The following WASF2 variants were observed in gnomAD, a reference collection of about 807,000 sequenced individuals.
WASF2 encodes actin-binding protein WASF2.
In WASF2, 14 loss-of-function variants were observed where a neutral mutation model predicts 45.0. The observed-to-expected ratio is 0.31, with a 90% CI of 0.21 to 0.49. The LOEUF (loss-of-function observed/expected upper bound fraction) is 0.49. WASF2 is among the 20% of genes least tolerant of loss of function. WASF2 has a pLI of 0.99. For missense variants in WASF2, 439 were observed against 636.1 expected (o/e 0.69, Z 3.33); for synonymous variants, 200 against 236.3 (o/e 0.85, Z 1.41).
intron 1 of WASF2, among the ~76,000 whole-genome samples, chr1:27,437,781 CTAAT>C (rs1024059353): frequency 2.0e-5 from 3 of 152,080 alleles, no homozygotes; most frequent in African/African-American, 7.2e-5. Context: ...CCCTTTACTC[CTAAT>C]AAGGTATCAG....
chr1:27,462,976 T>C (rs1488848257), intron 1 of WASF2, among the ~76,000 whole-genome samples: 1 of 152,066 alleles, frequency 6.6e-6, no homozygotes, highest in African/African-American at 2.4e-5. Context: ...CGCGCCACCA[T>C]GCCTGGCTAA....
rs1245882051 is a variant in WASF2 at position 27,415,997 on chromosome 1, C to T, written c.525G>A (p.Lys175=). Residue 175 remains lysine (K), a synonymous_variant, in exon 5 of 9, where the codon AAG becomes AAA. Coordinates refer to ENST00000618852, the MANE Select transcript of WASF2 (RefSeq NM_006990.5). ...CCTTTCCCCTCACCCTATGCTTTCT[C>T]TTCTCTTTCATGATATCCTTGGTGT... ...LQDTKDIMKE[K]RKHRKEKKDN... 2 of 1,613,960 alleles carry T rather than the reference C, an allele frequency of 1.2e-6. No homozygotes were observed. Among genetic ancestry groups the T allele is most frequent in the Non-Finnish European group, 1.7e-6 (2 of 1,179,858 alleles).
chr1:27,476,949 C>T (rs781431345), intron 1 of WASF2, among the ~76,000 whole-genome samples: 21 of 152,114 alleles, frequency 1.4e-4, no homozygotes, highest in Non-Finnish European at 2.9e-5. Flanking sequence ...AATTATCAAA[C>T]GATGAGCTCT....
At chr1:27,429,776 CAAA>C (rs761977530) in intron 1 of WASF2, among the ~76,000 whole-genome samples, 3 of 87,656 alleles carry the variant, frequency 3.4e-5, no homozygotes, top group Non-Finnish European at 5.0e-5. Flanking sequence ...GACTCCGTCT[CAAA>C]AAAAAAAAAA....
At chr1:27,472,674 AGGG>A (rs745895106) in intron 1 of WASF2, among the ~76,000 whole-genome samples, 2 of 116,986 alleles carry the variant, frequency 1.7e-5, no homozygotes, top group Admixed American at 7.9e-5. Flanking sequence ...AAAAAAAAAA[AGGG>A]GAAATCAGGC....
intron 1 of WASF2, among the ~76,000 whole-genome samples, chr1:27,458,779 C>A (rs150163299): frequency 6.6e-6 from 1 of 150,592 alleles, no homozygotes; most frequent in African/African-American, 2.4e-5. Flanking sequence ...GGTGACAGAG[C>A]GAGATTCTGC....
chr1:27,444,237 G>C (rs2017284192), intron 1 of WASF2, among the ~76,000 whole-genome samples: 1 of 152,076 alleles, frequency 6.6e-6, no homozygotes, highest in Non-Finnish European at 1.5e-5. Context: ...GCAGCACCAT[G>C]CTCAGCTAAT....
intron 1 of WASF2, among the ~76,000 whole-genome samples, chr1:27,442,149 C>T (rs2017245903): frequency 6.6e-6 from 1 of 151,728 alleles, no homozygotes; most frequent in Non-Finnish European, 1.5e-5. Flanking sequence ...ATCAATATAA[C>T]CAGCCTGGGC....
intron 1 of WASF2, among the ~76,000 whole-genome samples, chr1:27,487,658 A>ATATATATTATATATTATATAT (rs2017961162): frequency 1.0e-5 from 1 of 96,580 alleles, no homozygotes; most frequent in African/African-American, 4.5e-5. Context: ...ATATTATATA[A>ATATATATTATATATTATATAT]TATATATTAT....
chr1:27,422,349 G>A (rs1183109760), intron 2 of WASF2, among the ~76,000 whole-genome samples: 1 of 152,172 alleles, frequency 6.6e-6, no homozygotes, highest in Non-Finnish European at 1.5e-5. Context: ...GCTGGGCGCA[G>A]TGGCTCATGC....
chr1:27,453,591 C>CA lies in WASF2; in HGVS notation c.-43-24659dup, dbSNP rs57897316. The stretch of plus-strand genomic sequence containing the variant: ...TGGGTGACAGAGCAAGACTCTGTCT[C>CA]AAAAAAAAAAAAAAAAAAGGGCCAA... On this transcript the variant is annotated intron_variant, in intron 1 of 8. Transcript: ENST00000618852. Among the ~76,000 whole-genome samples the CA allele has an allele frequency of 3.0e-3, 312 of 103,084 alleles. 1 individual carries two copies. The highest frequency in any genetic ancestry group is 0.01 in the African/African-American group (285 of 27,484). 67.6% of individuals were successfully genotyped at this position (103,084 alleles called of 152,430 possible).
At chr1:27,440,567 C>A (rs772983612) in intron 1 of WASF2, among the ~76,000 whole-genome samples, 3 of 151,288 alleles carry the variant, frequency 2.0e-5, no homozygotes, top group Non-Finnish European at 2.9e-5. Context: ...AAATGTATAC[C>A]TGAGTCAATG....
chr1:27,449,961 T>C (rs760487706), intron 1 of WASF2, among the ~76,000 whole-genome samples: 13 of 152,134 alleles, frequency 8.5e-5, no homozygotes, highest in Non-Finnish European at 1.6e-4. Context: ...CTGGCCAGCA[T>C]GGTGAAATCC....
At chr1:27,479,909 T>C (rs752151985) in intron 1 of WASF2, among the ~76,000 whole-genome samples, 1 of 152,148 alleles carries the variant, frequency 6.6e-6, no homozygotes, top group Non-Finnish European at 1.5e-5. Flanking sequence ...ATATCTCAAG[T>C]GCTGGGGACT....
intron 1 of WASF2, among the ~76,000 whole-genome samples, chr1:27,478,503 G>A (rs536215546): frequency 3.2e-4 from 49 of 152,268 alleles, no homozygotes; most frequent in African/African-American, 1.1e-3. Context: ...TCAGAACATT[G>A]GTTGCCTATA....
intron 1 of WASF2, among the ~76,000 whole-genome samples, chr1:27,464,513 C>T (rs2017589100): frequency 6.6e-6 from 1 of 152,046 alleles, no homozygotes; most frequent in African/African-American, 2.4e-5. Flanking sequence ...ATTTTAACTA[C>T]CTAATTATAG....
intron 1 of WASF2, among the ~76,000 whole-genome samples, chr1:27,444,568 G>T (rs1448142040): frequency 6.6e-6 from 1 of 152,152 alleles, no homozygotes; most frequent in African/African-American, 2.4e-5. Context: ...ACAACAAAGA[G>T]CATTACACAA....
chr1:27,480,731 T>C (rs552145495), intron 1 of WASF2, among the ~76,000 whole-genome samples: 8 of 151,852 alleles, frequency 5.3e-5, no homozygotes, highest in African/African-American at 1.7e-4. Flanking sequence ...ATGCATGTGT[T>C]GGGCCAGGTG....
chr1:27,426,939 A>C (rs921678705), intron 2 of WASF2, among the ~76,000 whole-genome samples: 4 of 152,320 alleles, frequency 2.6e-5, no homozygotes, highest in Admixed American at 1.3e-4. Context: ...AACCTGGCAT[A>C]AAGTAGGCAA....
Sources: allele counts gnomAD v4.1 joint callset (sites outside exome capture counted in the v4.1 genomes callset), GRCh38; gene constraint gnomAD v4.1.1; transcripts MANE v1.5; gene names NCBI Gene and HGNC (gene_info 2026-07-23, HGNC 2026-07-21).